The following HSPBAP1 variants were observed in gnomAD, a reference collection of about 807,000 sequenced individuals.
HSPBAP1 encodes the protein HSPB1 associated protein 1, also known as HSPB1-associated protein 1.
HSPBAP1 carries 27 observed loss-of-function variants against 45.2 expected under a neutral mutation model. The ratio of observed to expected loss-of-function variants is 0.60; its 90% CI spans 0.44 to 0.82. The LOEUF is 0.82. Ranked by LOEUF, HSPBAP1 falls within the 40% of genes least tolerant of loss-of-function variation. The probability of loss-of-function intolerance (pLI) is 0.00; values close to 1 mark genes in which losing one functional copy is unlikely to be tolerated. For synonymous variants in HSPBAP1, 204 were observed against 202.7 expected, an observed-to-expected ratio of 1.01 and a Z score of -0.06; for missense variants, 510 against 590.9, an observed-to-expected ratio of 0.86 and a Z score of 1.42.
At chr3:122,777,311 AT>A (rs1490183380) in intron 2 of HSPBAP1, among the ~76,000 whole-genome samples, 2 of 152,210 alleles carry the variant, frequency 1.3e-5, no homozygotes, top group African/African-American at 4.8e-5. Context: ...GAAGCCACAA[AT>A]AAAAGGACAC....
At chr3:122,759,160 T>G (rs1169618373) in intron 4 of HSPBAP1, 64 bp downstream of exon 4, 7 of 1,528,996 alleles carry the variant, frequency 4.6e-6, no homozygotes, top group Non-Finnish European at 6.2e-6. Flanking sequence ...CTGCCACCCC[T>G]ATTGCATGCA....
At position 122,793,826 on chromosome 3, in the gene HSPBAP1, T is replaced by G. The variant is rs1935920298; in HGVS notation, c.-146A>C. ...GCCCGGCTCCTACGGAAACGCCGGC[T>G]CTCACGTGGAGGTCACGTGACGGAT... On this transcript the variant is annotated 5_prime_UTR_variant, in exon 1 of 8. Coordinates refer to ENST00000306103, the MANE Select transcript of HSPBAP1 (RefSeq NM_024610.6). 2 of 667,366 alleles carry G rather than the reference T, an allele frequency of 3.0e-6. No homozygotes were observed. Among genetic ancestry groups the G allele is most frequent in the African/African-American group, 1.8e-5 (1 of 55,286 alleles). The allele number at this position is 667,366 out of a possible 1,614,324, so 41.3% of individuals were successfully genotyped here. A position where few individuals can be genotyped will look rare whatever the true frequency, so the allele number is the denominator to read the frequency against.
chr3:122,758,877 T>C (rs574844999), intron 4 of HSPBAP1: 65 of 323,712 alleles, frequency 2.0e-4, no homozygotes, highest in African/African-American at 1.5e-3. Flanking sequence ...CAAGACTGTC[T>C]CAAATGTCTC....
chr3:122,773,907 G>T (rs1465947583), intron 2 of HSPBAP1, among the ~76,000 whole-genome samples: 3 of 151,904 alleles, frequency 2.0e-5, no homozygotes, highest in Non-Finnish European at 4.4e-5. Context: ...CCAAAGAACT[G>T]GGATTACAGG....
At chr3:122,772,649 A>G (rs1192727085) in intron 2 of HSPBAP1, among the ~76,000 whole-genome samples, 1 of 151,400 alleles carries the variant, frequency 6.6e-6, no homozygotes, top group Non-Finnish European at 1.5e-5. Context: ...AGTTAAATGT[A>G]AAAAAGAAAT....
intron 2 of HSPBAP1, among the ~76,000 whole-genome samples, chr3:122,776,656 G>A (rs763764757): frequency 6.6e-6 from 1 of 152,144 alleles, no homozygotes; most frequent in Non-Finnish European, 1.5e-5. Flanking sequence ...AATCAAGAAA[G>A]AAAAGGCACA....
chr3:122,750,199 T>C (rs1391384981), intron 6 of HSPBAP1, among the ~76,000 whole-genome samples: 1 of 151,972 alleles, frequency 6.6e-6, no homozygotes, highest in Admixed American at 6.5e-5. Context: ...GGTCTCGATC[T>C]TTTGACCTCA....
chr3:122,757,834 C>T (rs1353160906), intron 4 of HSPBAP1, among the ~76,000 whole-genome samples: 43 of 152,036 alleles, frequency 2.8e-4, no homozygotes, highest in Non-Finnish European at 4.4e-5. Flanking sequence ...GGCTTGTTTC[C>T]AATTCAGAAC....
At chr3:122,777,962 A>T in intron 1 of HSPBAP1, 56 bp from the exon 2 acceptor site, 1 of 1,154,632 alleles carries the variant, frequency 8.7e-7, no homozygotes, top group South Asian at 1.4e-5. Context: ...TTTTTCATAC[A>T]ATATGGAGAA....
At chr3:122,782,147 G>C (rs1935507967) in intron 1 of HSPBAP1, among the ~76,000 whole-genome samples, 1 of 152,160 alleles carries the variant, frequency 6.6e-6, no homozygotes, top group African/African-American at 2.4e-5. Context: ...ATGCTGATGG[G>C]AACTACTCTT....
chr3:122,785,308 T>C (rs1251184429), intron 1 of HSPBAP1, among the ~76,000 whole-genome samples: 1 of 152,220 alleles, frequency 6.6e-6, no homozygotes. Context: ...TTAGTCAGGC[T>C]TTAATTCTTC....
At chr3:122,753,097 G>A in intron 5 of HSPBAP1, 1 of 588,386 alleles carries the variant, frequency 1.7e-6, no homozygotes, top group Non-Finnish European at 2.1e-6. Context: ...AGTATAGAAA[G>A]GTGGCATTAT....
intron 3 of HSPBAP1, among the ~76,000 whole-genome samples, chr3:122,762,730 A>G (rs903249901): frequency 6.6e-6 from 1 of 152,228 alleles, no homozygotes; most frequent in Admixed American, 6.5e-5. Context: ...GTGGTGAGAG[A>G]ACATAATTTG....
At chr3:122,785,195 G>A (rs1935613543) in intron 1 of HSPBAP1, among the ~76,000 whole-genome samples, 1 of 152,188 alleles carries the variant, frequency 6.6e-6, no homozygotes, top group Admixed American at 6.5e-5. Context: ...ATGTGCTCCA[G>A]GGAGAGAGGA....
intron 2 of HSPBAP1, among the ~76,000 whole-genome samples, chr3:122,769,303 T>A (rs1934901781): frequency 6.6e-6 from 1 of 152,172 alleles, no homozygotes; most frequent in Non-Finnish European, 1.5e-5. Flanking sequence ...ATTTAGTAAA[T>A]AAAAACTTGA....
In HSPBAP1 at chr3:122,771,471, T is replaced by G. The variant is rs539402168; in HGVS notation, c.251-2589A>C. 1.7e-3 allele frequency among the ~76,000 whole-genome samples: 261 copies of G among 152,354 alleles called. 4 individuals carry two copies. The highest frequency in any genetic ancestry group is 1.9e-3 in the Non-Finnish European group (126 of 68,034). On this transcript the variant is annotated intron_variant, in intron 2 of 7. Transcript: ENST00000306103. ...TTGGCAGTGTTGTACAAGCTGAGCT[T>G]GCTTTTAATTATTATAAAAAGGGGT... is the stretch of plus-strand genomic sequence containing the variant.
At chr3:122,793,017 A>C (rs1033373619) in intron 1 of HSPBAP1, among the ~76,000 whole-genome samples, 8 of 152,322 alleles carry the variant, frequency 5.3e-5, no homozygotes, top group Non-Finnish European at 1.2e-4. Flanking sequence ...AGTTCAGGTG[A>C]CCACATAGTA....
intron 6 of HSPBAP1, 29 bp downstream of exon 6, chr3:122,752,562 A>C (rs771024461): frequency 2.7e-6 from 1 of 376,192 alleles, no homozygotes; most frequent in Non-Finnish European, 3.9e-6. Flanking sequence ...CACTTACTTA[A>C]AAAAAAAAAA....
chr3:122,751,525 A>C (rs1344480955), intron 6 of HSPBAP1, among the ~76,000 whole-genome samples: 1 of 152,258 alleles, frequency 6.6e-6, no homozygotes, highest in Non-Finnish European at 1.5e-5. Context: ...TGAGCATGGA[A>C]GAAGAAAAGA....
Sources: gnomAD v4.1 joint callset for allele counts (sites outside exome capture counted in the v4.1 genomes callset) on GRCh38, gnomAD v4.1.1 for gene constraint, MANE v1.5 for transcripts, NCBI Gene and HGNC (gene_info 2026-07-23, HGNC 2026-07-21) for gene names.